MYT1L: variants seen among roughly 807,000 people sequenced by gnomAD.
MYT1L encodes the protein myelin transcription factor 1 like.
In MYT1L, 12 loss-of-function variants were observed where a neutral mutation model predicts 126.7. The observed-to-expected ratio is 0.09, with a 90% CI of 0.06 to 0.15. MYT1L has a LOEUF of 0.15. MYT1L is among the 10% of genes least tolerant of loss of function. The pLI, the probability that MYT1L is intolerant of heterozygous loss-of-function variation, is 1.00. For missense variants in MYT1L, 979 were observed against 1,585.2 expected, an observed-to-expected ratio of 0.62 and a Z score of 6.49; for synonymous variants, 541 against 604.2, an observed-to-expected ratio of 0.90 and a Z score of 1.53.
chr2:2,051,849 C>A (rs1007595611), intron 4 of MYT1L, among the ~76,000 whole-genome samples: 1 of 152,078 alleles, frequency 6.6e-6, no homozygotes, highest in African/African-American at 2.4e-5. Flanking sequence ...ATATAAGAAA[C>A]CCTGTTTCTG....
At chr2:2,135,307 C>G (rs1276724891) in intron 3 of MYT1L, among the ~76,000 whole-genome samples, 1 of 152,126 alleles carries the variant, frequency 6.6e-6, no homozygotes, top group Admixed American at 6.5e-5. Context: ...GGGATTTTCC[C>G]TGCACACTCT....
At position 2,228,453 on chromosome 2, in the gene MYT1L, C is replaced by T. The variant is rs1225113547; in HGVS notation, c.-420-55465G>A. 6.6e-6 allele frequency among the ~76,000 whole-genome samples: 1 copy of T among 152,272 alleles called. No homozygotes were observed. Among genetic ancestry groups the T allele is most frequent in the African/African-American group, 2.4e-5 (1 of 41,566 alleles). On this transcript the variant is annotated intron_variant, in intron 2 of 24. Coordinates refer to ENST00000647738, the MANE Select transcript of MYT1L (RefSeq NM_001303052.2). The surrounding 1 kb of genome is among the most constrained non-coding windows in gnomAD (Gnocchi z 5.9). ...AGCAAACATTTTTTAATACTGTTAT[C>T]TAATTAAATAGTTAAGATTTTTGCT... is the stretch of plus-strand genomic sequence containing the variant.
At chr2:2,072,073 C>T (rs188418990) in intron 3 of MYT1L, among the ~76,000 whole-genome samples, 20 of 152,128 alleles carry the variant, frequency 1.3e-4, no homozygotes, top group Non-Finnish European at 2.2e-4. Flanking sequence ...AAAAAGACTC[C>T]GTGTCAAGCT....
chr2:1,910,147 G>A lies in MYT1L; in HGVS notation c.1817+93C>T. 2 of 1,169,118 alleles carry A rather than the reference G, an allele frequency of 1.7e-6. No homozygotes were observed. Among genetic ancestry groups the A allele is most frequent in the Non-Finnish European group, 1.2e-6 (1 of 810,204 alleles). The allele number at this position is 1,169,118 out of a possible 1,614,324, so 72.4% of individuals were successfully genotyped here. Reference sequence around the variant, plus strand: ...CCCTCCAGTCCCTGCCCCTGCTGCTGTAGGGACATGCCCTGAGCGGGTGTC... The same window carrying A: ...CCCTCCAGTCCCTGCCCCTGCTGCTATAGGGACATGCCCTGAGCGGGTGTC... On this transcript the variant is annotated intron_variant, in intron 13 of 24. Coordinates refer to ENST00000647738, the MANE Select transcript of MYT1L (RefSeq NM_001303052.2). This position sits in a 1 kb window ranked among gnomAD's most constrained non-coding sequence, Gnocchi z 4.8.
intron 23 of MYT1L, chr2:1,800,127 A>G (rs1465054010): frequency 6.6e-6 from 1 of 152,272 alleles, no homozygotes; most frequent in East Asian, 1.9e-4. Context: ...TCCCAATTAA[A>G]CAATCTTTGC....
intron 13 of MYT1L, among the ~76,000 whole-genome samples, chr2:1,907,792 C>T (rs1220818966): frequency 6.6e-6 from 1 of 152,254 alleles, no homozygotes; most frequent in Non-Finnish European, 1.5e-5. Context: ...ACTGAAAGAG[C>T]ACCCCTACAT....
chr2:2,001,563 C>T (rs2062401436), intron 4 of MYT1L, among the ~76,000 whole-genome samples: 1 of 152,160 alleles, frequency 6.6e-6, no homozygotes, highest in African/African-American at 2.4e-5. Flanking sequence ...AGGGCTGGTG[C>T]CACATTGTCC....
intron 10 of MYT1L, among the ~76,000 whole-genome samples, chr2:1,919,155 A>C (rs558808360): frequency 6.6e-6 from 1 of 152,314 alleles, no homozygotes; most frequent in East Asian, 1.9e-4. Context: ...AGATATCGAA[A>C]GTGTTGTGAA....
At chr2:2,114,829 G>A (rs1473160894) in intron 3 of MYT1L, among the ~76,000 whole-genome samples, 1 of 152,166 alleles carries the variant, frequency 6.6e-6, no homozygotes, top group African/African-American at 2.4e-5. Context: ...TTCAGTCTGG[G>A]CTTTTCAGGT....
At chr2:2,111,733 A>G (rs910169989) in intron 3 of MYT1L, among the ~76,000 whole-genome samples, 3 of 152,228 alleles carry the variant, frequency 2.0e-5, no homozygotes, top group Non-Finnish European at 4.4e-5. Context: ...TTGTGTGTGA[A>G]TATTTTCTCT....
intron 2 of MYT1L, among the ~76,000 whole-genome samples, chr2:2,281,679 C>T (rs1410084953): frequency 1.3e-5 from 2 of 151,986 alleles, no homozygotes. Context: ...AGAAATTAGC[C>T]CATAGAACCT....
In MYT1L at chr2:2,331,185, T is replaced by G. The variant is rs1002597374; in HGVS notation, c.-739A>C. 4 of 151,368 alleles carry G rather than the reference T, an allele frequency of 2.6e-5. No homozygotes were observed. The highest frequency in any genetic ancestry group is 5.9e-5 in the Non-Finnish European group (4 of 67,884). The allele number at this position is 151,368 out of a possible 1,614,324, so 9.4% of individuals were successfully genotyped here. A position where few individuals can be genotyped will look rare whatever the true frequency, so the allele number is the denominator to read the frequency against. ...AGTCCAGGGAATGAAAAAATTAAAA[T>G]GCACCCACCAACAATGAGCAAAAAA... On this transcript the variant is annotated 5_prime_UTR_variant, in exon 1 of 25. Transcript: ENST00000647738.
chr2:2,323,516 T>A (rs2096204851), intron 1 of MYT1L, among the ~76,000 whole-genome samples: 1 of 152,192 alleles, frequency 6.6e-6, no homozygotes, highest in Non-Finnish European at 1.5e-5. Context: ...TAGAACTATT[T>A]ATCAGTGAAT....
chr2:1,971,512 C>T (rs2059806858), intron 8 of MYT1L, among the ~76,000 whole-genome samples: 2 of 152,178 alleles, frequency 1.3e-5, no homozygotes, highest in African/African-American at 4.8e-5. Flanking sequence ...AGGCAGATCA[C>T]CTGAGGTCAG....
intron 12 of MYT1L, 100 bp downstream of exon 12, chr2:1,911,920 T>G (rs2052056038): frequency 1.1e-6 from 1 of 878,136 alleles, no homozygotes; most frequent in African/African-American, 1.7e-5. Flanking sequence ...GGGAGCACGG[T>G]GGGGAGCACC....
In MYT1L at chr2:1,960,358, C is replaced by T. The variant is rs142544470; in HGVS notation, c.153-17024G>A. On this transcript the variant is annotated intron_variant, in intron 8 of 24. Coordinates refer to ENST00000647738, the MANE Select transcript of MYT1L (RefSeq NM_001303052.2). The stretch of plus-strand genomic sequence containing the variant: ...AAAATACCAAGGACAGGGCGGGGGA[C>T]GGTGAAGCCCCTTGTCCCAGGCCCT... 6.3e-3 allele frequency among the ~76,000 whole-genome samples: 965 copies of T among 152,298 alleles called. 7 individuals are homozygous for T. The highest frequency in any genetic ancestry group is 0.027 in the Middle Eastern group (8 of 294).
intron 14 of MYT1L, among the ~76,000 whole-genome samples, chr2:1,893,035 G>A (rs900435893): frequency 3.3e-5 from 5 of 152,194 alleles, no homozygotes; most frequent in Non-Finnish European, 7.3e-5. Context: ...CGGGGCACGT[G>A]TGCAGCTGCC....
chr2:1,960,212 G>A (rs2058848542), intron 8 of MYT1L, among the ~76,000 whole-genome samples: 1 of 152,174 alleles, frequency 6.6e-6, no homozygotes, highest in Non-Finnish European at 1.5e-5. Context: ...AAAAGGATAT[G>A]GCCTCTGAGG....
intron 4 of MYT1L, among the ~76,000 whole-genome samples, chr2:2,046,271 C>T (rs2068175472): frequency 6.6e-6 from 1 of 152,118 alleles, no homozygotes; most frequent in Non-Finnish European, 1.5e-5. Flanking sequence ...CAAATCATAA[C>T]ATTACATGCA....
Sources: allele counts gnomAD v4.1 joint callset (sites outside exome capture counted in the v4.1 genomes callset), GRCh38; gene constraint gnomAD v4.1.1; non-coding constraint Gnocchi (gnomAD v3.1); transcripts MANE v1.5; gene names NCBI Gene and HGNC (gene_info 2026-07-23, HGNC 2026-07-21).